The following LRP1B variants were observed in gnomAD, a reference collection of about 807,000 sequenced individuals.
The protein encoded by LRP1B is LDL receptor related protein 1B.
In LRP1B, 217 loss-of-function variants were observed where a neutral mutation model predicts 556.6. The ratio of observed to expected loss-of-function variants is 0.39; its 90% CI spans 0.35 to 0.44. The LOEUF is 0.44. Among genes scored for constraint, LRP1B ranks in the 20% least tolerant of loss-of-function variants. The pLI, the probability that LRP1B is intolerant of heterozygous loss-of-function variation, is 1.00. For synonymous variants in LRP1B, 2,047 were observed against 1,865.8 expected (o/e 1.10, Z -2.50); for missense variants, 5,053 against 5,620.8 (o/e 0.90, Z 3.23).
intron 35 of LRP1B, among the ~76,000 whole-genome samples, chr2:140,720,240 T>C (rs543796659): frequency 2.2e-4 from 33 of 152,192 alleles, no homozygotes; most frequent in Non-Finnish European, 4.7e-4. Context: ...TCTATAATCA[T>C]GTAGTTTACA....
At chr2:142,041,549 A>C (rs574725536) in intron 1 of LRP1B, among the ~76,000 whole-genome samples, 1 of 151,480 alleles carries the variant, frequency 6.6e-6, no homozygotes, top group African/African-American at 2.4e-5. Flanking sequence ...ACAACAAAAA[A>C]GCCTTTTTTG....
At chr2:140,750,525 TTGAG>T (rs996568627) in intron 35 of LRP1B, among the ~76,000 whole-genome samples, 20 of 152,214 alleles carry the variant, frequency 1.3e-4, no homozygotes, top group African/African-American at 3.6e-4. Flanking sequence ...TAAGATCACT[TTGAG>T]TAAGTAGATG....
chr2:140,479,114 T>C (rs896136317), intron 59 of LRP1B, among the ~76,000 whole-genome samples: 7 of 152,106 alleles, frequency 4.6e-5, no homozygotes, highest in Admixed American at 3.9e-4. Context: ...CAGGTAAGCA[T>C]GAGCCTTCAT....
chr2:141,123,449 T>A (rs909307355), intron 7 of LRP1B, among the ~76,000 whole-genome samples: 2 of 151,998 alleles, frequency 1.3e-5, no homozygotes, highest in Admixed American at 1.3e-4. Context: ...TAATCTGGTA[T>A]CTGGTTAATT....
intron 15 of LRP1B, among the ~76,000 whole-genome samples, chr2:140,999,374 T>C (rs894224834): frequency 6.6e-6 from 1 of 152,008 alleles, no homozygotes; most frequent in Non-Finnish European, 1.5e-5. Flanking sequence ...TTTTATTGCA[T>C]TGGGGTTACC....
chr2:141,966,803 C>T (rs191766440), intron 1 of LRP1B, among the ~76,000 whole-genome samples: 9 of 151,876 alleles, frequency 5.9e-5, no homozygotes, highest in Admixed American at 2.6e-4. Context: ...GTGGAGAAAT[C>T]ATTCTAACCC....
intron 2 of LRP1B, among the ~76,000 whole-genome samples, chr2:141,495,249 C>T (rs2105121036): frequency 6.6e-6 from 1 of 152,194 alleles, no homozygotes; most frequent in Middle Eastern, 3.4e-3. Flanking sequence ...TAGCAAGATT[C>T]CAGTGAGTCT....
At chr2:140,831,200 C>T (rs1432456376) in intron 31 of LRP1B, among the ~76,000 whole-genome samples, 2 of 151,830 alleles carry the variant, frequency 1.3e-5, no homozygotes, top group African/African-American at 4.8e-5. Flanking sequence ...CACAAAAGAC[C>T]CCAAATAGCC....
At chr2:142,099,913 A>G (rs2104966695) in intron 1 of LRP1B, among the ~76,000 whole-genome samples, 1 of 152,066 alleles carries the variant, frequency 6.6e-6, no homozygotes, top group East Asian at 1.9e-4. Context: ...CAACCTCATT[A>G]GAACACCCCT....
chr2:140,376,717 T>C (rs2105179666), intron 68 of LRP1B, among the ~76,000 whole-genome samples: 1 of 152,320 alleles, frequency 6.6e-6, no homozygotes, highest in Non-Finnish European at 1.5e-5. Context: ...TACATGTGTT[T>C]GTTTTCAAAA....
intron 7 of LRP1B, among the ~76,000 whole-genome samples, chr2:141,098,370 T>G (rs1304326094): frequency 1.3e-5 from 2 of 152,236 alleles, no homozygotes; most frequent in Non-Finnish European, 2.9e-5. Context: ...TTCTTTGAAA[T>G]CAGCTAATGT....
chr2:141,331,522 C>CTTTCTTTCTTTTTT (rs10694161), intron 3 of LRP1B, among the ~76,000 whole-genome samples: 1 of 140,718 alleles, frequency 7.1e-6, no homozygotes, highest in Non-Finnish European at 1.5e-5. Context: ...TTCTTTCTTT[C>CTTTCTTTCTTTTTT]TCTTTCTTTC....
chr2:140,852,200 A>G (rs1692480758), intron 27 of LRP1B, among the ~76,000 whole-genome samples: 4 of 152,038 alleles, frequency 2.6e-5, no homozygotes, highest in Admixed American at 2.6e-4. Context: ...GGTGACACAC[A>G]CCTCTAGTCC....
intron 7 of LRP1B, among the ~76,000 whole-genome samples, chr2:141,131,407 T>TTATATATATATATATATA (rs67661603): frequency 0.038 from 4,239 of 110,300 alleles, 200 homozygotes; most frequent in Middle Eastern, 0.082. Context: ...ATGCATAAAG[T>TTATATATATATATATATA]TATATATATA....
chr2:141,552,647 A>G (rs771193583), intron 2 of LRP1B, among the ~76,000 whole-genome samples: 14 of 151,970 alleles, frequency 9.2e-5, no homozygotes, highest in Non-Finnish European at 1.9e-4. Flanking sequence ...TATTTATAGA[A>G]GTTTCTAAAT....
At chr2:141,252,001 G>A (rs1684279528) in intron 4 of LRP1B, among the ~76,000 whole-genome samples, 1 of 151,758 alleles carries the variant, frequency 6.6e-6, no homozygotes, top group Non-Finnish European at 1.5e-5. Context: ...TTTCCAGGAG[G>A]GTAAAGTCAT....
chr2:140,655,276 AC>A (rs1684838812), intron 41 of LRP1B, among the ~76,000 whole-genome samples: 1 of 151,952 alleles, frequency 6.6e-6, no homozygotes, highest in South Asian at 2.1e-4. Flanking sequence ...TCCAAATTCT[AC>A]ATTTATTAAC....
chr2:141,241,206 T>C (rs1683862754), intron 5 of LRP1B, among the ~76,000 whole-genome samples: 1 of 152,098 alleles, frequency 6.6e-6, no homozygotes, highest in Admixed American at 6.6e-5. Flanking sequence ...AACTGAATGA[T>C]TGGCCAGAAA....
chr2:141,793,089 G>T (rs1695675592), intron 2 of LRP1B, among the ~76,000 whole-genome samples: 1 of 151,704 alleles, frequency 6.6e-6, no homozygotes, highest in Admixed American at 6.6e-5. Flanking sequence ...TTTATTTCAT[G>T]GTTGTACATT....
Sources: allele counts gnomAD v4.1 joint callset (sites outside exome capture counted in the v4.1 genomes callset), GRCh38; gene constraint gnomAD v4.1.1; transcripts MANE v1.5; gene names NCBI Gene and HGNC (gene_info 2026-07-23, HGNC 2026-07-21).